HERC1: variants seen among roughly 807,000 people sequenced by gnomAD.
HERC1 encodes HECT and RLD domain containing E3 ubiquitin protein ligase family member 1, also known as probable E3 ubiquitin-protein ligase HERC1.
A neutral mutation model predicts 554.3 loss-of-function variants in HERC1; 160 were observed. The observed-to-expected ratio is 0.29, with a 90% CI of 0.25 to 0.33. The LOEUF is 0.33. Ranked by LOEUF, HERC1 falls within the 10% of genes least tolerant of loss-of-function variation. The pLI, the probability that HERC1 is intolerant of heterozygous loss-of-function variation, is 1.00. For missense variants in HERC1, 4,919 were observed against 5,918.5 expected, an observed-to-expected ratio of 0.83 and a Z score of 5.54; for synonymous variants, 2,175 against 2,131.7, an observed-to-expected ratio of 1.02 and a Z score of -0.56.
chr15:63,682,728 C>T (rs1470591567), intron 34 of HERC1, among the ~76,000 whole-genome samples: 2 of 152,024 alleles, frequency 1.3e-5, no homozygotes, highest in Admixed American at 6.5e-5. Flanking sequence ...CTTGTAAATG[C>T]TAAATTTATT....
chr15:63,729,234 A>G lies in HERC1; in HGVS notation c.3154+2T>C, dbSNP rs2074174423. 1 of 1,592,976 alleles carries G rather than the reference A, an allele frequency of 6.3e-7. No individual in the cohort carries two copies. ...AAATTTGAAATGAAATACCAAACTC[A>G]CCTCTTAATTTTTCTCCAACACTGC... On this transcript the variant is annotated splice_donor_variant, in intron 16 of 77. Coordinates refer to ENST00000443617, the MANE Select transcript of HERC1 (RefSeq NM_003922.4). LOFTEE classifies it high-confidence loss of function.
chr15:63,789,947 A>G (rs2076587117), intron 1 of HERC1, among the ~76,000 whole-genome samples: 1 of 152,114 alleles, frequency 6.6e-6, no homozygotes, highest in African/African-American at 2.4e-5. Context: ...CACACAAACA[A>G]TATTAGAGGA....
intron 50 of HERC1, among the ~76,000 whole-genome samples, chr15:63,655,137 C>T (rs1414820073): frequency 1.3e-5 from 2 of 151,804 alleles, no homozygotes; most frequent in African/African-American, 2.4e-5. Flanking sequence ...GAGGATCACA[C>T]GAGGCCAGGA....
At chr15:63,761,616 G>T (rs1346843165) in intron 3 of HERC1, among the ~76,000 whole-genome samples, 1 of 150,522 alleles carries the variant, frequency 6.6e-6, no homozygotes, top group African/African-American at 2.4e-5. Context: ...CAGAGAGTAT[G>T]TAATAACTAT....
At chr15:63,803,686 A>T (rs2077055860) in intron 1 of HERC1, among the ~76,000 whole-genome samples, 1 of 152,218 alleles carries the variant, frequency 6.6e-6, no homozygotes, top group Non-Finnish European at 1.5e-5. Flanking sequence ...GATAAAATAC[A>T]TTCCTCCTAA....
At chr15:63,688,719 T>C (rs548549690) in intron 33 of HERC1, among the ~76,000 whole-genome samples, 19 of 152,184 alleles carry the variant, frequency 1.2e-4, no homozygotes, top group African/African-American at 4.3e-4. Context: ...AAAACCAAGA[T>C]AGGAATTAAG....
Position 63,694,637 on chromosome 15 carries a change from T to C in HERC1, c.5243-88A>G. 1 of 1,427,990 alleles carries C rather than the reference T, an allele frequency of 7.0e-7. No individual in the cohort carries two copies. The highest frequency in any genetic ancestry group is 9.7e-7 in the Non-Finnish European group (1 of 1,029,450). 88.5% of individuals were successfully genotyped at this position (1,427,990 alleles called of 1,614,324 possible). ...ATAATTTTCTAAAATATTAATAACA[T>C]GAAACACTAAATTATTTATTCTTTA... is the stretch of plus-strand genomic sequence containing the variant. On this transcript the variant is annotated intron_variant, in intron 28 of 77. Coordinates refer to ENST00000443617, the MANE Select transcript of HERC1 (RefSeq NM_003922.4). This position sits in a 1 kb window ranked among gnomAD's most constrained non-coding sequence, Gnocchi z 4.3.
At chr15:63,681,457 A>G (rs2071473256) in intron 34 of HERC1, among the ~76,000 whole-genome samples, 1 of 152,120 alleles carries the variant, frequency 6.6e-6, no homozygotes, top group African/African-American at 2.4e-5. Flanking sequence ...TCGGCCTCCC[A>G]AAGTGTTGGG....
intron 12 of HERC1, among the ~76,000 whole-genome samples, chr15:63,742,583 G>T (rs984029124): frequency 6.6e-6 from 1 of 152,086 alleles, no homozygotes; most frequent in Non-Finnish European, 1.5e-5. Flanking sequence ...TTTCTCCATT[G>T]AATATGATAT....
chr15:63,755,649 G>C (rs953941903), intron 5 of HERC1, among the ~76,000 whole-genome samples: 2 of 152,046 alleles, frequency 1.3e-5, no homozygotes, highest in African/African-American at 4.8e-5. Context: ...GCATGGTGGC[G>C]CATGTCTATA....
intron 51 of HERC1, among the ~76,000 whole-genome samples, 200 bp from the exon 52 acceptor site, chr15:63,652,741 C>T (rs1019254343): frequency 6.6e-6 from 1 of 152,186 alleles, no homozygotes; most frequent in Non-Finnish European, 1.5e-5. Flanking sequence ...CAACCTCCAT[C>T]TCCCGTGTTT....
In HERC1 at chr15:63,692,973, G is replaced by C. The variant is rs2072193909; in HGVS notation, c.5675-407C>G. Among the ~76,000 whole-genome samples the C allele has an allele frequency of 6.6e-6, 1 of 152,034 alleles. No individual in the cohort carries two copies. Among genetic ancestry groups the C allele is most frequent in the Admixed American group, 6.6e-5 (1 of 15,264 alleles). Reference sequence around the variant, plus strand: ...AGGCGGGCGGATCACTTGAGGTCAGGAGTTCAAGATCAGCCTGGCCAACAT... The same window carrying C: ...AGGCGGGCGGATCACTTGAGGTCAGCAGTTCAAGATCAGCCTGGCCAACAT... On this transcript the variant is annotated intron_variant, in intron 30 of 77. Transcript: ENST00000443617. The surrounding 1 kb of genome is among the most constrained non-coding windows in gnomAD (Gnocchi z 4.7).
chr15:63,771,319 A>G (rs1005512231), intron 2 of HERC1, among the ~76,000 whole-genome samples: 2 of 152,224 alleles, frequency 1.3e-5, no homozygotes, highest in East Asian at 3.8e-4. Flanking sequence ...CCTAAAACCA[A>G]GCTGAGATTT....
At chr15:63,708,351 C>G (rs1370002107) in intron 24 of HERC1, among the ~76,000 whole-genome samples, 1 of 152,158 alleles carries the variant, frequency 6.6e-6, no homozygotes. Context: ...CAACCTCTAG[C>G]AGAACACCAC....
chr15:63,638,788 G>T lies in HERC1; in HGVS notation c.11902-12C>A. 6.2e-7 allele frequency: 1 copy of T among 1,609,786 alleles called. No homozygotes were observed. Among genetic ancestry groups the T allele is most frequent in the East Asian group, 2.2e-5 (1 of 44,876 alleles). ...CATTTACTGTTATCCTGAAAAACAG[G>T]GGGTACATAATGATCAATTCTGCTT... On this transcript the variant is annotated splice_polypyrimidine_tract_variant and intron_variant, in intron 61 of 77. Transcript: ENST00000443617.
intron 1 of HERC1, among the ~76,000 whole-genome samples, chr15:63,801,122 A>G (rs957490145): frequency 2.6e-5 from 4 of 152,038 alleles, no homozygotes; most frequent in Non-Finnish European, 5.9e-5. Flanking sequence ...CCATGCCCCT[A>G]CCCCCTGTAT....
chr15:63,718,654 C>T lies in HERC1; in HGVS notation c.3898G>A (p.Val1300Ile), dbSNP rs1260060997. ...GKHLSEVYRC[V>I]YKVRSRLLAC... The stretch of plus-strand genomic sequence containing the variant: ...AGTAAACGACTTCGAACTTTGTATA[C>T]ACAACGGTACACTTCTGATAAGTGT... The change falls in exon 21 of 78, where the codon GTA becomes ATA. Residue 1300 changes from valine to isoleucine, a missense_variant. This residue lies in a region of HERC1 where 1,121 missense variants were observed against 1,244.0 expected (regional missense o/e 0.90). Transcript: ENST00000443617. The surrounding 1 kb of genome is among the most constrained non-coding windows in gnomAD (Gnocchi z 4.2). 1 of 1,599,242 alleles carries T rather than the reference C, an allele frequency of 6.3e-7. No individual in the cohort carries two copies. Among genetic ancestry groups the T allele is most frequent in the Non-Finnish European group, 8.5e-7 (1 of 1,171,338 alleles).
At chr15:63,652,650 C>T in intron 51 of HERC1, 109 bp from the exon 52 acceptor site, 1 of 904,960 alleles carries the variant, frequency 1.1e-6, no homozygotes, top group Non-Finnish European at 1.6e-6. Context: ...AAAAGAAAAG[C>T]ATCCATTCCT....
chr15:63,741,610 T>TTTA (rs1156566546), intron 12 of HERC1, among the ~76,000 whole-genome samples: 3 of 152,066 alleles, frequency 2.0e-5, no homozygotes, highest in African/African-American at 7.3e-5. Flanking sequence ...TATGTTTTCT[T>TTTA]TTATGAGTTT....
Sources: gnomAD v4.1 joint callset for allele counts (sites outside exome capture counted in the v4.1 genomes callset) on GRCh38, gnomAD v4.1.1 for gene constraint, gnomAD v4.1.1 regional missense constraint, Gnocchi (gnomAD v3.1) non-coding constraint, MANE v1.5 for transcripts, NCBI Gene and HGNC (gene_info 2026-07-23, HGNC 2026-07-21) for gene names.